Variants in PTGER3 observed in about 807,000 individuals in gnomAD.
PTGER3 encodes prostaglandin E receptor 3, also known as prostaglandin E2 receptor EP3 subtype.
PTGER3 carries 22 observed loss-of-function variants against 34.7 expected under a neutral mutation model. The observed-to-expected ratio is 0.63, with a 90% confidence interval of 0.45 to 0.91. The LOEUF is 0.91. Among genes scored for constraint, PTGER3 ranks in the 40% least tolerant of loss-of-function variants. PTGER3 has a pLI of 0.00. For missense variants in PTGER3, 468 were observed against 519.4 expected (o/e 0.90, Z 0.96); for synonymous variants, 241 against 230.1 (o/e 1.05, Z -0.43).
At chr1:70,944,163 C>A (rs1291293736) in intron 4 of PTGER3, among the ~76,000 whole-genome samples, 1 of 151,922 alleles carries the variant, frequency 6.6e-6, no homozygotes, top group East Asian at 1.9e-4. Context: ...TTTTTTGGAG[C>A]CACTTTCCTC....
At chr1:71,006,312 T>G (rs1656960926) in intron 2 of PTGER3, 1 of 985,332 alleles carries the variant, frequency 1.0e-6, no homozygotes, top group African/African-American at 1.7e-5. Flanking sequence ...AGCTTGACTT[T>G]GCAGTCTACA....
intron 4 of PTGER3, among the ~76,000 whole-genome samples, chr1:70,936,662 G>A (rs1444327918): frequency 6.6e-6 from 1 of 152,278 alleles, no homozygotes; most frequent in Non-Finnish European, 1.5e-5. Flanking sequence ...ATTTTAGGAA[G>A]TTTGTGGTAA....
chr1:70,917,643 A>C (rs1038772256), intron 4 of PTGER3, among the ~76,000 whole-genome samples: 6 of 151,964 alleles, frequency 3.9e-5, no homozygotes, highest in African/African-American at 1.4e-4. Context: ...ATTGTTTTCC[A>C]TAATGGCTGT....
intron 4 of PTGER3, among the ~76,000 whole-genome samples, chr1:70,856,033 G>C (rs552984581): frequency 3.8e-4 from 58 of 152,182 alleles, no homozygotes; most frequent in African/African-American, 1.3e-3. Context: ...ATGTTTCATA[G>C]CTTGATGCCA....
chr1:71,044,409 C>A (rs1014769833), intron 1 of PTGER3, among the ~76,000 whole-genome samples: 2 of 147,154 alleles, frequency 1.4e-5, no homozygotes, highest in African/African-American at 5.0e-5. Context: ...TGCACTCCAG[C>A]CTGGAGTTTT....
intron 4 of PTGER3, among the ~76,000 whole-genome samples, chr1:70,916,242 T>C (rs1389306880): frequency 6.6e-6 from 1 of 151,884 alleles, no homozygotes; most frequent in Non-Finnish European, 1.5e-5. Flanking sequence ...CAGTTGCTCC[T>C]GAGACTGCAG....
chr1:70,859,642 A>G (rs1248691671), intron 4 of PTGER3, among the ~76,000 whole-genome samples: 1 of 152,244 alleles, frequency 6.6e-6, no homozygotes, highest in Non-Finnish European at 1.5e-5. Flanking sequence ...TGATTAATTC[A>G]TCAGTGAACG....
At chr1:70,953,092 A>G (rs1293678983) in intron 3 of PTGER3, 16 of 1,510,552 alleles carry the variant, frequency 1.1e-5, no homozygotes, top group Non-Finnish European at 1.4e-5. Flanking sequence ...AGAAAAGAAA[A>G]TAATAAAAAA....
At chr1:70,953,741 T>G (rs1317167878) in intron 3 of PTGER3, 1 of 1,534,950 alleles carries the variant, frequency 6.5e-7, no homozygotes, top group Non-Finnish European at 8.8e-7. Flanking sequence ...CAACTAGTTT[T>G]AATACTATCT....
chr1:70,979,209 T>C (rs1654003198), intron 2 of PTGER3, among the ~76,000 whole-genome samples: 1 of 151,982 alleles, frequency 6.6e-6, no homozygotes, highest in Non-Finnish European at 1.5e-5. Flanking sequence ...CACAACGTGG[T>C]TTAATTACTA....
chr1:70,928,405 G>A (rs1202052485), intron 4 of PTGER3, among the ~76,000 whole-genome samples: 1 of 151,856 alleles, frequency 6.6e-6, no homozygotes, highest in Non-Finnish European at 1.5e-5. Flanking sequence ...AGCCAAGGGG[G>A]AAAGATCACT....
intron 4 of PTGER3, among the ~76,000 whole-genome samples, chr1:70,941,150 A>G (rs1220697264): frequency 6.6e-6 from 1 of 152,198 alleles, no homozygotes; most frequent in African/African-American, 2.4e-5. Flanking sequence ...TGCAATACTC[A>G]TATATAAAGA....
intron 2 of PTGER3, among the ~76,000 whole-genome samples, chr1:70,986,069 G>A (rs769930182): frequency 1.3e-5 from 2 of 152,070 alleles, no homozygotes; most frequent in African/African-American, 2.4e-5. Context: ...CCAAGATGGC[G>A]ACAAGAGTGA....
At chr1:70,869,207 A>G (rs747041675) in intron 4 of PTGER3, 16 of 458,696 alleles carry the variant, frequency 3.5e-5, no homozygotes, top group South Asian at 2.4e-4. Context: ...GTGGTATCAC[A>G]CTTTACAACA....
intron 4 of PTGER3, among the ~76,000 whole-genome samples, chr1:70,939,460 G>T (rs1412292340): frequency 6.6e-6 from 1 of 152,254 alleles, no homozygotes; most frequent in African/African-American, 2.4e-5. Context: ...GGGCCCCTGT[G>T]TGGGGGCTCT....
At chr1:70,878,887 C>T (rs1344997818) in intron 4 of PTGER3, among the ~76,000 whole-genome samples, 2 of 152,002 alleles carry the variant, frequency 1.3e-5, no homozygotes, top group Non-Finnish European at 2.9e-5. Flanking sequence ...TGCTTTATGT[C>T]CTATTGAGTG....
chr1:70,971,378 T>A lies in PTGER3; in HGVS notation c.*352A>T. Reference sequence around the variant, plus strand: ...AGCAAGCTATCATGAAATGTAAAGATGTCCACTTTGGTTAAGATTCACGTA... The same window carrying A: ...AGCAAGCTATCATGAAATGTAAAGAAGTCCACTTTGGTTAAGATTCACGTA... On this transcript the variant is annotated 3_prime_UTR_variant, in exon 4 of 4. Coordinates refer to ENST00000306666, the MANE Select transcript of PTGER3 (RefSeq NM_198719.2). The A allele has an allele frequency of 9.7e-7, 1 of 1,026,962 alleles. No homozygotes were observed. The highest frequency in any genetic ancestry group is 1.7e-5 in the African/African-American group (1 of 59,052). 63.6% of individuals were successfully genotyped at this position (1,026,962 alleles called of 1,614,324 possible).
chr1:70,925,131 A>G (rs1251283736), intron 4 of PTGER3, among the ~76,000 whole-genome samples: 1 of 152,136 alleles, frequency 6.6e-6, no homozygotes, highest in Non-Finnish European at 1.5e-5. Context: ...CAGCCTCCCG[A>G]GTAACTGGGA....
At chr1:70,981,857 T>A (rs2100729976) in intron 2 of PTGER3, among the ~76,000 whole-genome samples, 1 of 152,268 alleles carries the variant, frequency 6.6e-6, no homozygotes. Context: ...GCTTTAGTGA[T>A]CCCTGGTACC....
Sources: gnomAD v4.1 joint callset for allele counts (sites outside exome capture counted in the v4.1 genomes callset) on GRCh38, gnomAD v4.1.1 for gene constraint, MANE v1.5 for transcripts, NCBI Gene and HGNC (gene_info 2026-07-23, HGNC 2026-07-21) for gene names.